The following CDC14A variants were observed in gnomAD, a reference collection of about 807,000 sequenced individuals.
CDC14A encodes the protein dual specificity protein phosphatase CDC14A.
A neutral mutation model predicts 74.4 loss-of-function variants in CDC14A; 53 were observed. That is an observed-to-expected ratio of 0.71 (90% confidence interval 0.57 to 0.89). CDC14A has a LOEUF of 0.89. CDC14A is among the 40% of genes least tolerant of loss of function. The pLI is 0.00. For synonymous variants in CDC14A, 247 were observed against 258.4 expected, an observed-to-expected ratio of 0.96 and a Z score of 0.43; for missense variants, 646 against 713.7, an observed-to-expected ratio of 0.91 and a Z score of 1.08.
upstream of CDC14A, chr1:100,351,633 C>T: frequency 2.3e-6 from 2 of 886,508 alleles, no homozygotes; most frequent in Middle Eastern, 3.1e-4. Flanking sequence ...TCCCTCCGCG[C>T]CCGCCCAGGC....
chr1:100,491,380 T>C (rs1346157256), intron 11 of CDC14A, among the ~76,000 whole-genome samples: 4 of 151,490 alleles, frequency 2.6e-5, no homozygotes, highest in Admixed American at 2.0e-4. Context: ...TGATGGTAAA[T>C]ATATAGGTGG....
At chr1:100,364,435 A>G (rs1372083059) in intron 2 of CDC14A, among the ~76,000 whole-genome samples, 1 of 151,844 alleles carries the variant, frequency 6.6e-6, no homozygotes, top group African/African-American at 2.4e-5. Context: ...GATGGTCTCA[A>G]TCTCTTGACC....
chr1:100,429,795 A>G (rs932278914), intron 5 of CDC14A, among the ~76,000 whole-genome samples: 1 of 149,176 alleles, frequency 6.7e-6, no homozygotes, highest in Non-Finnish European at 1.5e-5. Context: ...ATATCAAGTA[A>G]ATTTAAAACT....
intron 4 of CDC14A, among the ~76,000 whole-genome samples, chr1:100,404,747 T>G (rs2101021681): frequency 6.6e-6 from 1 of 152,088 alleles, no homozygotes; most frequent in East Asian, 1.9e-4. Flanking sequence ...GGAGAATCGC[T>G]TGAACCCGGG....
intron 1 of CDC14A, among the ~76,000 whole-genome samples, chr1:100,347,364 G>C (rs1425618776): frequency 6.6e-6 from 1 of 152,102 alleles, no homozygotes; most frequent in African/African-American, 2.4e-5. Context: ...CCCCCATATT[G>C]GGCCTGTGCT....
chr1:100,362,476 A>G (rs559382916), intron 2 of CDC14A, among the ~76,000 whole-genome samples: 1 of 152,324 alleles, frequency 6.6e-6, no homozygotes, highest in South Asian at 2.1e-4. Flanking sequence ...CAAAATCACC[A>G]TAAATGTCTC....
chr1:100,421,768 C>T (rs1399922232), intron 4 of CDC14A, among the ~76,000 whole-genome samples: 1 of 152,172 alleles, frequency 6.6e-6, no homozygotes, highest in Non-Finnish European at 1.5e-5. Flanking sequence ...AGAGCAACAA[C>T]GCGAGTTTGG....
At chr1:100,404,423 C>T (rs1002612217) in intron 4 of CDC14A, among the ~76,000 whole-genome samples, 5 of 152,090 alleles carry the variant, frequency 3.3e-5, no homozygotes, top group African/African-American at 4.8e-5. Flanking sequence ...CCCAAACCCC[C>T]GTAACAAATG....
At chr1:100,440,098 G>T in intron 6 of CDC14A, 100 bp downstream of exon 6, 1 of 862,648 alleles carries the variant, frequency 1.2e-6, no homozygotes, top group East Asian at 2.5e-5. Context: ...GGGAAGAAAG[G>T]GGAGCCAGTA....
intron 3 of CDC14A, among the ~76,000 whole-genome samples, chr1:100,384,998 G>T (rs1242156101): frequency 2.0e-5 from 3 of 152,202 alleles, no homozygotes; most frequent in Admixed American, 1.3e-4. Flanking sequence ...AAAGGGACTT[G>T]TTCCTAAGGT....
intron 8 of CDC14A, among the ~76,000 whole-genome samples, chr1:100,460,501 C>A (rs1340320258): frequency 6.6e-6 from 1 of 152,186 alleles, no homozygotes; most frequent in Non-Finnish European, 1.5e-5. Flanking sequence ...CCCGCCACAC[C>A]AGGGCAGGCT....
chr1:100,432,263 T>C (rs1053795993), intron 5 of CDC14A, among the ~76,000 whole-genome samples: 4 of 152,236 alleles, frequency 2.6e-5, no homozygotes, highest in Non-Finnish European at 5.9e-5. Context: ...CTTTCTTTTA[T>C]TGTAGCTGGT....
intron 5 of CDC14A, among the ~76,000 whole-genome samples, chr1:100,432,945 T>C (rs967762556): frequency 6.6e-6 from 1 of 152,200 alleles, no homozygotes; most frequent in Non-Finnish European, 1.5e-5. Flanking sequence ...TGGGGTGCAG[T>C]GGCCAAATTG....
chr1:100,351,798 A>G, upstream of CDC14A: 1 of 1,550,472 alleles, frequency 6.4e-7, no homozygotes, highest in Non-Finnish European at 8.7e-7. Flanking sequence ...TACAAGTTAT[A>G]TCAGAGTCTG....
At position 100,498,189 on chromosome 1, in the gene CDC14A, C is replaced by T. The variant is rs745785219; in HGVS notation, c.1403C>T (p.Ser468Leu). 2.7e-5 allele frequency: 44 copies of T among 1,613,904 alleles called. No individual in the cohort carries two copies. Among genetic ancestry groups the T allele is most frequent in the Middle Eastern group, 3.3e-4 (2 of 6,082 alleles). Residue 468 changes from serine (S) to leucine (L), a missense_variant, in exon 14 of 16, where the codon TCG (serine) becomes TTG (leucine). By Grantham distance (145) the Ser-to-Leu change is moderately radical. Transcript: ENST00000336454. ...AGGATCAACAGAACTTCTTTGTCTTCGGGTGCCACTGTAAGAAGGTAATTT... is the reference window on the plus strand; with the variant it reads ...AGGATCAACAGAACTTCTTTGTCTTTGGGTGCCACTGTAAGAAGGTAATTT... ...AKRINRTSLS[S>L]GATVRSFSIN...
intron 15 of CDC14A, among the ~76,000 whole-genome samples, chr1:100,500,437 C>T (rs114966130): frequency 0.015 from 2,248 of 152,224 alleles, 56 homozygotes; most frequent in African/African-American, 0.051. Flanking sequence ...TTAATGATAT[C>T]TACTTTCTTT....
chr1:100,361,965 G>C (rs7517742), intron 2 of CDC14A, among the ~76,000 whole-genome samples: 47,818 of 151,986 alleles, frequency 0.31, 7,850 homozygotes, highest in African/African-American at 0.34. Context: ...TTGGGACTGA[G>C]CAGATGCGGG....
chr1:100,435,823 TAAAAAAAAAAA>T (rs10545372), intron 5 of CDC14A, among the ~76,000 whole-genome samples: 6 of 97,958 alleles, frequency 6.1e-5, no homozygotes, highest in African/African-American at 2.6e-4. Context: ...AGACTTCGTC[TAAAAAAAAAAA>T]AAAAAAAAAA....
intron 8 of CDC14A, among the ~76,000 whole-genome samples, chr1:100,458,042 A>G (rs1196961074): frequency 3.5e-4 from 53 of 152,208 alleles, no homozygotes; most frequent in Admixed American, 3.5e-3. Context: ...TAATATGGGG[A>G]AAAAATTATA....
Sources: gnomAD v4.1 joint callset for allele counts (sites outside exome capture counted in the v4.1 genomes callset) on GRCh38, gnomAD v4.1.1 for gene constraint, MANE v1.5 for transcripts, NCBI Gene and HGNC (gene_info 2026-07-23, HGNC 2026-07-21) for gene names.